MUC7: variants seen among roughly 807,000 people sequenced by gnomAD.
The protein encoded by MUC7 is mucin 7, secreted.
In MUC7, 2 loss-of-function variants were observed where a neutral mutation model predicts 2.5. That is an observed-to-expected ratio of 0.81 (90% confidence interval 0.33 to 2.55). The LOEUF (loss-of-function observed/expected upper bound fraction) is 2.55, where lower values mean the gene tolerates loss of function less well. MUC7 is among the 30% of genes most tolerant of loss of function. The probability of loss-of-function intolerance (pLI) is 0.11; values close to 1 mark genes in which losing one functional copy is unlikely to be tolerated. For synonymous variants in MUC7, 133 were observed against 173.4 expected (o/e 0.77, Z 1.83); for missense variants, 408 against 455.6 (o/e 0.90, Z 0.95).
chr4:70,479,797 T>C (rs1334286273), intron 2 of MUC7, among the ~76,000 whole-genome samples: 1 of 152,208 alleles, frequency 6.6e-6, no homozygotes, highest in African/African-American at 2.4e-5. Flanking sequence ...TTTGAAAGAC[T>C]TCTGGATCTT....
intron 1 of MUC7, among the ~76,000 whole-genome samples, chr4:70,450,784 A>G (rs1734260017): frequency 1.3e-5 from 2 of 152,232 alleles, no homozygotes; most frequent in Admixed American, 6.5e-5. Flanking sequence ...GACTCTGACC[A>G]ATGCCCTATC....
At chr4:70,434,821 C>T (rs1733783913) in intron 1 of MUC7, among the ~76,000 whole-genome samples, 2 of 152,050 alleles carry the variant, frequency 1.3e-5, no homozygotes, top group African/African-American at 2.4e-5. Flanking sequence ...TTGGATCTTT[C>T]CTGCTTTCTC....
intron 1 of MUC7, among the ~76,000 whole-genome samples, chr4:70,449,144 TCTC>T (rs977894272): frequency 6.6e-6 from 1 of 152,204 alleles, no homozygotes; most frequent in Admixed American, 6.5e-5. Context: ...AGTGTTCTCT[TCTC>T]CTCTACTTTT....
upstream of MUC7, among the ~76,000 whole-genome samples, chr4:70,470,030 T>C (rs1734790858): frequency 6.6e-6 from 1 of 152,118 alleles, no homozygotes; most frequent in Non-Finnish European, 1.5e-5. Flanking sequence ...AATGATAGAC[T>C]GGATAAAGAA....
chr4:70,475,213 A>T (rs905400891), intron 2 of MUC7, among the ~76,000 whole-genome samples: 3 of 152,136 alleles, frequency 2.0e-5, no homozygotes, highest in Non-Finnish European at 2.9e-5. Context: ...TGGGAGGCAG[A>T]GTTTGCAGTG....
At chr4:70,447,262 A>G (rs1283323558) in intron 1 of MUC7, among the ~76,000 whole-genome samples, 2 of 152,166 alleles carry the variant, frequency 1.3e-5, no homozygotes, top group Admixed American at 1.3e-4. Flanking sequence ...GGGGATAACA[A>G]TGATGTCTTA....
At chr4:70,472,020 T>C (rs1734845919), upstream of MUC7, 1 of 152,210 alleles carries the variant, frequency 6.6e-6, no homozygotes, top group Non-Finnish European at 1.5e-5. Context: ...GTCACTGTGC[T>C]CATCAGGAAG....
chr4:70,459,363 A>G (rs1389933688), intron 1 of MUC7, among the ~76,000 whole-genome samples: 1 of 152,188 alleles, frequency 6.6e-6, no homozygotes, highest in Non-Finnish European at 1.5e-5. Context: ...TCTCACTCAT[A>G]GGTGGGAATT....
At chr4:70,451,702 G>T (rs764998728) in intron 1 of MUC7, among the ~76,000 whole-genome samples, 1 of 152,030 alleles carries the variant, frequency 6.6e-6, no homozygotes, top group South Asian at 2.1e-4. Context: ...TTTTGAGAAC[G>T]ATCCATGTGC....
intron 1 of MUC7, among the ~76,000 whole-genome samples, chr4:70,467,089 C>T (rs1734703516): frequency 1.3e-5 from 2 of 152,156 alleles, no homozygotes; most frequent in Admixed American, 6.5e-5. Flanking sequence ...CAAATTAGAA[C>T]TCAGGATTAA....
intron 1 of MUC7, among the ~76,000 whole-genome samples, chr4:70,466,674 A>C (rs1484852586): frequency 1.3e-5 from 2 of 152,176 alleles, no homozygotes; most frequent in Non-Finnish European, 1.5e-5. Context: ...GCATTACATA[A>C]TGGTAAAGGG....
At chr4:70,468,744 A>G (rs1013084751), upstream of MUC7, among the ~76,000 whole-genome samples, 3 of 152,234 alleles carry the variant, frequency 2.0e-5, no homozygotes, top group Admixed American at 2.0e-4. Context: ...CCACTGCTCA[A>G]TGAAATAAGA....
chr4:70,457,696 A>G (rs1324797866), intron 1 of MUC7, among the ~76,000 whole-genome samples: 2 of 152,142 alleles, frequency 1.3e-5, no homozygotes, highest in African/African-American at 4.8e-5. Context: ...ATGTTTCTGA[A>G]AATAGTTTTT....
intron 1 of MUC7, among the ~76,000 whole-genome samples, chr4:70,437,412 T>C: frequency 6.6e-6 from 1 of 151,896 alleles, no homozygotes; most frequent in Non-Finnish European, 1.5e-5. Flanking sequence ...AACTGCCCAC[T>C]CAAGCCTCAG....
intron 1 of MUC7, among the ~76,000 whole-genome samples, chr4:70,455,743 A>G (rs531222665): frequency 3.3e-5 from 5 of 152,164 alleles, no homozygotes; most frequent in Non-Finnish European, 7.4e-5. Context: ...TGTATGTGGA[A>G]CTCGAGCTTT....
rs1734851947 is a variant in MUC7, at chr4:70,472,222, C to G, written c.-85C>G. On this transcript the variant is annotated 5_prime_UTR_variant, in exon 1 of 3. In the 5' UTR this introduces an upstream ATG that the reference lacks. Coordinates refer to ENST00000304887, the MANE Select transcript of MUC7 (RefSeq NM_152291.3). Reference sequence around the variant, plus strand: ...CTCTTCTTTTGCTTCTAGTTACCATCCTCAAAGGATTGGCTAAAAGCAAGC... The same window carrying G: ...CTCTTCTTTTGCTTCTAGTTACCATGCTCAAAGGATTGGCTAAAAGCAAGC... The G allele has an allele frequency of 6.6e-6, 1 of 152,146 alleles. No individual in the cohort carries two copies. The highest frequency in any genetic ancestry group is 2.1e-4 in the South Asian group (1 of 4,826). 9.4% of individuals were successfully genotyped at this position (152,146 alleles called of 1,614,324 possible). A position where few individuals can be genotyped will look rare whatever the true frequency, so the allele number is the denominator to read the frequency against.
chr4:70,434,223 T>C (rs926591137), intron 1 of MUC7, among the ~76,000 whole-genome samples: 14 of 152,212 alleles, frequency 9.2e-5, no homozygotes. Flanking sequence ...ATCAGGATGA[T>C]GCTGGCCTCA....
chr4:70,470,362 A>C (rs915471062), upstream of MUC7, among the ~76,000 whole-genome samples: 1 of 152,210 alleles, frequency 6.6e-6, no homozygotes, highest in African/African-American at 2.4e-5. Context: ...CCTATGTAAC[A>C]AACCTGCACA....
chr4:70,465,712 G>A (rs948166633), intron 1 of MUC7, among the ~76,000 whole-genome samples: 15 of 152,070 alleles, frequency 9.9e-5, no homozygotes, highest in Non-Finnish European at 1.8e-4. Context: ...AGAATAAAAA[G>A]GAACAAACAA....
Sources: allele counts gnomAD v4.1 joint callset (sites outside exome capture counted in the v4.1 genomes callset), GRCh38; gene constraint gnomAD v4.1.1; transcripts MANE v1.5; gene names NCBI Gene and HGNC (gene_info 2026-07-23, HGNC 2026-07-21).